Variants in GK observed in about 807,000 individuals in gnomAD.
GK encodes the protein glycerol kinase.
Under a neutral mutation model 56.4 loss-of-function variants are expected in GK, and 9 were observed. The ratio of observed to expected loss-of-function variants is 0.16; its 90% CI spans 0.10 to 0.28. The LOEUF is 0.28. Among genes scored for constraint, GK ranks in the 10% least tolerant of loss-of-function variants. GK has a pLI of 1.00. For synonymous variants in GK, 104 were observed against 144.1 expected (o/e 0.72, Z 1.99); for missense variants, 161 against 431.4 (o/e 0.37, Z 5.55).
At position 30,665,871 on chromosome X, in the gene GK, T is replaced by G. The variant is rs183749105; in HGVS notation, c.152+287T>G. On this transcript the variant is annotated intron_variant, in intron 2 of 20. Transcript: ENST00000427190. ...AACTTTGAAGTCATTTAGTTTTGTG[T>G]TCCTATTATTGCAAAAATGCTGCTT... 2.7e-5 allele frequency among the ~76,000 whole-genome samples: 3 copies of G among 112,143 alleles called. No homozygotes were observed. The East Asian group carries it at 8.3e-4, about 31-fold the overall frequency.
At chrX:30,691,440 T>C (rs1015503989) in intron 5 of GK, among the ~76,000 whole-genome samples, 7 of 106,291 alleles carry the variant, frequency 6.6e-5, no homozygotes, top group Non-Finnish European at 9.6e-5. Flanking sequence ...TGCGTCCCAG[T>C]GGCTTAAGTC....
chrX:30,703,504 A>T (rs1392733897), intron 11 of GK, among the ~76,000 whole-genome samples: 3 of 110,729 alleles, frequency 2.7e-5, no homozygotes, highest in African/African-American at 9.9e-5. Context: ...GGAGAAAGGG[A>T]GGGGAAGTAG....
chrX:30,719,397 T>C (rs185917677), intron 14 of GK, 22 bp from the exon 15 acceptor site: 1 of 946,232 alleles, frequency 1.1e-6, no homozygotes, highest in African/African-American at 1.9e-5. Context: ...TGATTTTTGT[T>C]TTGTTTTGTT....
At chrX:30,684,015 T>C (rs1042101538) in intron 4 of GK, among the ~76,000 whole-genome samples, 1 of 110,537 alleles carries the variant, frequency 9.0e-6, no homozygotes, top group Non-Finnish European at 1.9e-5. Flanking sequence ...TCTAAGCCTT[T>C]TCCTTCCAAA....
Position 30,720,844 on chromosome X carries a change from C to T in GK, c.1358-8C>T, listed in dbSNP as rs1442322563. 1 of 1,211,649 alleles carries T rather than the reference C, an allele frequency of 8.3e-7. No individual in the cohort carries two copies. Among genetic ancestry groups the T allele is most frequent in the Non-Finnish European group, 1.1e-6 (1 of 895,130 alleles). The stretch of plus-strand genomic sequence containing the variant: ...CACAAAGATATTGATGGAACTCTCT[C>T]TCCTCAGTGAAGCCCTCAATGCCCG... On this transcript the variant is annotated splice_polypyrimidine_tract_variant and splice_region_variant and intron_variant, in intron 17 of 20. Coordinates refer to ENST00000427190, the MANE Select transcript of GK (RefSeq NM_001205019.2).
At chrX:30,698,866 C>CAAAAAAAAAAAAAAA (rs386416832) in intron 9 of GK, among the ~76,000 whole-genome samples, 2 of 43,323 alleles carry the variant, frequency 4.6e-5, no homozygotes, top group African/African-American at 1.0e-4. Context: ...AACTCCATCT[C>CAAAAAAAAAAAAAAA]AAAAAAAAAA....
At chrX:30,704,713 A>G (rs1433197101) in intron 11 of GK, among the ~76,000 whole-genome samples, 2 of 110,206 alleles carry the variant, frequency 1.8e-5, no homozygotes, top group African/African-American at 6.6e-5. Flanking sequence ...CTGGGACTAC[A>G]GGCGCCCGCC....
At chrX:30,658,932 C>T (rs1350813431) in intron 1 of GK, among the ~76,000 whole-genome samples, 5 of 112,747 alleles carry the variant, frequency 4.4e-5, no homozygotes, top group African/African-American at 1.6e-4. Context: ...TAGAATAGAC[C>T]GATAAAACTT....
chrX:30,721,403 C>T (rs937877583), intron 18 of GK, among the ~76,000 whole-genome samples: 181 of 108,918 alleles, frequency 1.7e-3, no homozygotes, highest in Non-Finnish European at 3.2e-3. Flanking sequence ...GCCATTCTCC[C>T]GCCTCAGCCT....
chrX:30,686,197 C>T (rs1934602955), intron 4 of GK, among the ~76,000 whole-genome samples: 1 of 112,922 alleles, frequency 8.9e-6, no homozygotes, highest in African/African-American at 3.2e-5. Flanking sequence ...TTGGCCCCAC[C>T]TGTTTCTGAG....
chrX:30,691,534 G>C (rs1006734978), intron 5 of GK, among the ~76,000 whole-genome samples: 1 of 98,299 alleles, frequency 1.0e-5, no homozygotes, highest in African/African-American at 3.9e-5. Flanking sequence ...GTGCAATGGT[G>C]TGATCTCGGC....
chrX:30,672,919 T>C (rs184021238), intron 3 of GK, among the ~76,000 whole-genome samples: 201 of 112,288 alleles, frequency 1.8e-3, no homozygotes, highest in African/African-American at 6.4e-3. Context: ...GTTCTGTGTG[T>C]TTTTAGTTTT....
intron 20 of GK, among the ~76,000 whole-genome samples, chrX:30,728,491 G>A (rs989425928): frequency 2.7e-5 from 3 of 111,622 alleles, no homozygotes; most frequent in Non-Finnish European, 5.6e-5. Flanking sequence ...TTATCTCTTC[G>A]GTGACATACA....
intron 3 of GK, among the ~76,000 whole-genome samples, chrX:30,676,947 A>G (rs1425882090): frequency 8.9e-6 from 1 of 111,858 alleles, no homozygotes; most frequent in Non-Finnish European, 1.9e-5. Flanking sequence ...ACATGTGCAC[A>G]CACACACACA....
rs45458092 is a variant in GK at position 30,696,208 on chromosome X, G to A, written c.662+57G>A. Reference sequence around the variant, plus strand: ...CCCAATACACTACCTATTTATAACCGAAATCTTAATATTTTCAGATGTCAG... The same window carrying A: ...CCCAATACACTACCTATTTATAACCAAAATCTTAATATTTTCAGATGTCAG... On this transcript the variant is annotated intron_variant, in intron 7 of 20. Coordinates refer to ENST00000427190, the MANE Select transcript of GK (RefSeq NM_001205019.2). The A allele has an allele frequency of 2.7e-3, 1,754 of 657,656 alleles. 2 individuals are homozygous for A. The highest frequency in any genetic ancestry group is 4.2e-3 in the Admixed American group (170 of 40,572). The allele number at this position is 657,656 out of a possible 1,213,427, so 54.2% of individuals were successfully genotyped here.
At chrX:30,696,905 A>G in intron 8 of GK, 1 of 399,135 alleles carries the variant, frequency 2.5e-6, no homozygotes, top group Non-Finnish European at 4.4e-6. Context: ...ATTATTTTTA[A>G]AGAATTGATG....
In GK at chrX:30,725,445, A is replaced by G. The variant is rs1937089589; in HGVS notation, c.1582+1264A>G. 2.7e-5 allele frequency among the ~76,000 whole-genome samples: 3 copies of G among 111,683 alleles called. No individual in the cohort carries two copies. The Admixed American group carries it at 2.8e-4, about 11-fold the overall frequency. On this transcript the variant is annotated intron_variant, in intron 19 of 20. Coordinates refer to ENST00000427190, the MANE Select transcript of GK (RefSeq NM_001205019.2). ...TTTTCTTGCTAAGACTGTAATTTTG[A>G]GAGACCCTTTACAACTAAACTTCTC...
intron 5 of GK, 85 bp downstream of exon 5, chrX:30,691,284 T>C (rs925706578): frequency 3.7e-6 from 2 of 538,356 alleles, no homozygotes; most frequent in African/African-American, 4.7e-5. Context: ...AAGCATCTTA[T>C]GGTACAATAG....
intron 6 of GK, chrX:30,695,205 G>T: frequency 1.2e-6 from 1 of 866,278 alleles, no homozygotes; most frequent in South Asian, 2.6e-5. Flanking sequence ...TCACTTGACA[G>T]ATCCACAGAG....
Sources: allele counts gnomAD v4.1 joint callset (sites outside exome capture counted in the v4.1 genomes callset), GRCh38; gene constraint gnomAD v4.1.1; transcripts MANE v1.5; gene names NCBI Gene and HGNC (gene_info 2026-07-23, HGNC 2026-07-21).